The following RPGRIP1L variants were observed in gnomAD, a reference collection of about 807,000 sequenced individuals.
RPGRIP1L encodes RPGRIP1 like.
A neutral mutation model predicts 160.4 loss-of-function variants in RPGRIP1L; 131 were observed. The ratio of observed to expected loss-of-function variants is 0.82; its 90% CI spans 0.71 to 0.94. The LOEUF is 0.94. Among genes scored for constraint, RPGRIP1L ranks in the 40% least tolerant of loss-of-function variants. The pLI is 0.00. For synonymous variants in RPGRIP1L, 510 were observed against 515.8 expected, an observed-to-expected ratio of 0.99 and a Z score of 0.15; for missense variants, 1,522 against 1,535.8, an observed-to-expected ratio of 0.99 and a Z score of 0.15.
intron 2 of RPGRIP1L, among the ~76,000 whole-genome samples, chr16:53,697,216 A>T (rs1454230208): frequency 6.6e-6 from 1 of 152,124 alleles, no homozygotes; most frequent in Non-Finnish European, 1.5e-5. Flanking sequence ...AAAGAAAGAA[A>T]AAAGATGACT....
chr16:53,612,926 C>A (rs1490901752), intron 24 of RPGRIP1L, among the ~76,000 whole-genome samples: 1 of 152,182 alleles, frequency 6.6e-6, no homozygotes, highest in Non-Finnish European at 1.5e-5. Context: ...CTCTTCTCAG[C>A]CCCTGGTAAC....
rs777297844 is a variant in RPGRIP1L at position 53,676,391 on chromosome 16, C to CAT, written c.777-1271_777-1270dup. On this transcript the variant is annotated intron_variant, in intron 6 of 26. Transcript: ENST00000647211. ...GTATTACCTTTAGCCACTAAAAATA[C>CAT]ATATATATATAATATAAAGAGAAAA... is the stretch of plus-strand genomic sequence containing the variant. Among the ~76,000 whole-genome samples, 26 of 147,874 alleles carry CAT rather than the reference C, an allele frequency of 1.8e-4. No homozygotes were observed. In the South Asian group the frequency reaches 2.1e-3, roughly 12 times the overall value.
intron 14 of RPGRIP1L, 127 bp downstream of exon 14, chr16:53,656,345 A>G: frequency 2.5e-6 from 2 of 788,660 alleles, no homozygotes; most frequent in South Asian, 2.7e-5. Context: ...TGCATTCATG[A>G]GCTAGCTATG....
At chr16:53,684,147 ACTGG>A (rs1969816113) in intron 6 of RPGRIP1L, among the ~76,000 whole-genome samples, 1 of 152,228 alleles carries the variant, frequency 6.6e-6, no homozygotes, top group South Asian at 2.1e-4. Context: ...TGTTGGTGGG[ACTGG>A]AAACTAGTTC....
intron 2 of RPGRIP1L, among the ~76,000 whole-genome samples, chr16:53,698,586 T>G (rs2151397258): frequency 7.9e-6 from 1 of 125,906 alleles, no homozygotes; most frequent in African/African-American, 3.2e-5. Context: ...GTCCAGGAGG[T>G]GAGGGGCGCC....
intron 23 of RPGRIP1L, among the ~76,000 whole-genome samples, chr16:53,621,507 T>A (rs1385962138): frequency 6.6e-6 from 1 of 150,694 alleles, no homozygotes; most frequent in Non-Finnish European, 1.5e-5. Flanking sequence ...CTCTGACCAA[T>A]ACACCTGGCA....
At chr16:53,656,682 G>A in intron 13 of RPGRIP1L, 93 bp from the exon 14 acceptor site, 1 of 902,932 alleles carries the variant, frequency 1.1e-6, no homozygotes, top group Non-Finnish European at 1.8e-6. Flanking sequence ...TCTAGATCCT[G>A]GAAATAGTAG....
chr16:53,626,915 G>A (rs1286916407), intron 22 of RPGRIP1L, among the ~76,000 whole-genome samples: 6 of 151,900 alleles, frequency 3.9e-5, no homozygotes, highest in Non-Finnish European at 1.5e-5. Flanking sequence ...TATGTGTTAT[G>A]TGATTAAATG....
At chr16:53,676,884 C>T (rs1220173759) in intron 6 of RPGRIP1L, among the ~76,000 whole-genome samples, 1 of 152,034 alleles carries the variant, frequency 6.6e-6, no homozygotes, top group African/African-American at 2.4e-5. Context: ...CCACCCGCCT[C>T]GGCCTCCCAA....
intron 24 of RPGRIP1L, among the ~76,000 whole-genome samples, chr16:53,614,921 C>T (rs2150951186): frequency 6.6e-6 from 1 of 152,322 alleles, no homozygotes; most frequent in Admixed American, 6.5e-5. Flanking sequence ...ATATCCTTTA[C>T]TTCTGCAAGC....
chr16:53,657,579 A>G lies in RPGRIP1L; in HGVS notation c.1455T>C (p.Ser485=). 1.2e-6 allele frequency: 2 copies of G among 1,600,734 alleles called. No individual in the cohort carries two copies. The highest frequency in any genetic ancestry group is 1.7e-6 in the Non-Finnish European group (2 of 1,170,106). The change falls in exon 13 of 27, where the codon AGT becomes AGC. Residue 485 remains serine (S), a synonymous_variant. Transcript: ENST00000647211. ...AGCGTTCTAGATCTTTATTAATTTCACTATCTACTTTCACTAAAAAGGAAA... is the reference window on the plus strand; with the variant it reads ...AGCGTTCTAGATCTTTATTAATTTCGCTATCTACTTTCACTAAAAAGGAAA... ...GDLSFLVKVD[S]EINKDLERSM...
At position 53,598,422 on chromosome 16, in the gene RPGRIP1L, T is replaced by A. The variant is rs961266820; in HGVS notation, c.*3654A>T. 6.6e-6 allele frequency: 1 copy of A among 152,078 alleles called. No individual in the cohort carries two copies. The highest frequency in any genetic ancestry group is 1.5e-5 in the Non-Finnish European group (1 of 68,012). 9.4% of individuals were successfully genotyped at this position (152,078 alleles called of 1,614,324 possible). The stretch of plus-strand genomic sequence containing the variant: ...AAAATGAAAGGGCAAGAACAAAAGG[T>A]ATAAGAATACCAGTAATATGGGTCC... On this transcript the variant is annotated 3_prime_UTR_variant, in exon 27 of 27. Transcript: ENST00000647211.
chr16:53,657,112 C>T (rs1005475456), intron 13 of RPGRIP1L, among the ~76,000 whole-genome samples: 2 of 151,892 alleles, frequency 1.3e-5, no homozygotes, highest in African/African-American at 4.8e-5. Context: ...ATGGTGGCGG[C>T]ACCTGTAATC....
chr16:53,685,879 A>C (rs1969971737), intron 6 of RPGRIP1L, among the ~76,000 whole-genome samples: 1 of 152,194 alleles, frequency 6.6e-6, no homozygotes, highest in South Asian at 2.1e-4. Flanking sequence ...GTTGGAAATT[A>C]TAACAAAAAA....
chr16:53,683,949 C>CG (rs1969797320), intron 6 of RPGRIP1L, among the ~76,000 whole-genome samples: 1 of 152,020 alleles, frequency 6.6e-6, no homozygotes, highest in South Asian at 2.1e-4. Context: ...AAATTGAAAA[C>CG]GGGCCCCTTT....
chr16:53,619,139 T>G lies in RPGRIP1L; in HGVS notation c.3502A>C (p.Thr1168Pro). Residue 1168 changes from threonine to proline, a missense_variant, in exon 24 of 27, where the codon ACT (threonine) becomes CCT (proline). Transcript: ENST00000647211. Reference sequence around the variant, plus strand: ...CACTCAACAAACAGCCGTTGGATAGTGTCATCCATGGTTACTTGAGAATCA... The same window carrying G: ...CACTCAACAAACAGCCGTTGGATAGGGTCATCCATGGTTACTTGAGAATCA... ...LNDSQVTMDDTIQRLFVECRF... is the reference protein window; with the variant it reads ...LNDSQVTMDDPIQRLFVECRF... 3 of 1,614,038 alleles carry G rather than the reference T, an allele frequency of 1.9e-6. No individual in the cohort carries two copies. Among genetic ancestry groups the G allele is most frequent in the Non-Finnish European group, 2.5e-6 (3 of 1,179,958 alleles).
rs553686735 is a variant in RPGRIP1L, at chr16:53,607,399, T to G, written c.3702-1785A>C. The stretch of plus-strand genomic sequence containing the variant: ...GTTTCAATTGAAAATTTAGTTAGAT[T>G]CCCAAATTATACATTGACTATATCA... On this transcript the variant is annotated intron_variant, in intron 25 of 26. Coordinates refer to ENST00000647211, the MANE Select transcript of RPGRIP1L (RefSeq NM_015272.5). 3.9e-5 allele frequency among the ~76,000 whole-genome samples: 6 copies of G among 152,234 alleles called. No individual in the cohort carries two copies. In the East Asian group the frequency reaches 9.6e-4, roughly 24 times the overall value.
chr16:53,681,049 GA>G (rs1969566939), intron 6 of RPGRIP1L, among the ~76,000 whole-genome samples: 1 of 152,156 alleles, frequency 6.6e-6, no homozygotes, highest in Non-Finnish European at 1.5e-5. Flanking sequence ...TTCTCAAAAT[GA>G]AAAGTTGGGC....
chr16:53,697,798 G>A (rs1209224619), intron 2 of RPGRIP1L, among the ~76,000 whole-genome samples: 1 of 152,100 alleles, frequency 6.6e-6, no homozygotes, highest in East Asian at 1.9e-4. Context: ...TCTAGGAAGT[G>A]AGGAGCGTCT....
Sources: gnomAD v4.1 joint callset for allele counts (sites outside exome capture counted in the v4.1 genomes callset) on GRCh38, gnomAD v4.1.1 for gene constraint, MANE v1.5 for transcripts, NCBI Gene and HGNC (gene_info 2026-07-23, HGNC 2026-07-21) for gene names.